Variants in ABCG1 observed in about 807,000 individuals in gnomAD.
ABCG1 encodes ATP binding cassette subfamily G member 1.
A neutral mutation model predicts 69.2 loss-of-function variants in ABCG1; 29 were observed. The ratio of observed to expected loss-of-function variants is 0.42; its 90% confidence interval spans 0.31 to 0.57. The LOEUF is 0.57. Ranked by LOEUF, ABCG1 falls within the 20% of genes least tolerant of loss-of-function variation. The pLI is 0.15. For missense variants in ABCG1, 718 were observed against 898.1 expected (o/e 0.80, Z 2.56); for synonymous variants, 370 against 374.8 (o/e 0.99, Z 0.15).
In ABCG1 at chr21:42,219,257, C is replaced by T. The variant is rs2067681488; in HGVS notation, c.-6C>T. On this transcript the variant is annotated 5_prime_UTR_variant, in exon 1 of 15. Transcript: ENST00000398449. The surrounding 1 kb of genome is among the most constrained non-coding windows in gnomAD (Gnocchi z 5.3). ...CCGCCGCCGCCGCCGCCGCCGCCCCCGGGGCATGGCCTGTCTGATGGCCGC... is the reference window on the plus strand; with the variant it reads ...CCGCCGCCGCCGCCGCCGCCGCCCCTGGGGCATGGCCTGTCTGATGGCCGC... 3.2e-6 allele frequency: 5 copies of T among 1,555,200 alleles called. No homozygotes were observed. Among genetic ancestry groups the T allele is most frequent in the South Asian group, 1.2e-5 (1 of 85,914 alleles).
intron 2 of ABCG1, among the ~76,000 whole-genome samples, chr21:42,227,860 A>C (rs1230854843): frequency 6.6e-6 from 1 of 152,148 alleles, no homozygotes; most frequent in Non-Finnish European, 1.5e-5. Flanking sequence ...GAGAGAGCAT[A>C]AAAGAACCCA....
chr21:42,226,756 G>T (rs573468115), intron 2 of ABCG1, among the ~76,000 whole-genome samples: 3 of 152,176 alleles, frequency 2.0e-5, no homozygotes, highest in African/African-American at 4.8e-5. Flanking sequence ...GGCAGAGGAC[G>T]TGTCAGACTT....
intron 2 of ABCG1, among the ~76,000 whole-genome samples, chr21:42,236,509 G>A (rs564739998): frequency 6.8e-4 from 104 of 152,340 alleles, no homozygotes; most frequent in Non-Finnish European, 7.3e-4. Context: ...CATAATTTAG[G>A]TGTTTTGTGA....
chr21:42,252,527 T>A (rs3787980), intron 2 of ABCG1, among the ~76,000 whole-genome samples: 16,947 of 152,066 alleles, frequency 0.11, 1,200 homozygotes, highest in South Asian at 0.17. Flanking sequence ...GACACTTCTT[T>A]CGTTGTCCTG....
intron 7 of ABCG1, among the ~76,000 whole-genome samples, chr21:42,284,925 A>G (rs569737614): frequency 6.6e-6 from 1 of 152,312 alleles, no homozygotes; most frequent in Admixed American, 6.5e-5. Flanking sequence ...CTGGGTACCC[A>G]TGGCCTTCTG....
At position 42,271,178 on chromosome 21, in the gene ABCG1, C is replaced by A; in HGVS notation, c.395C>A (p.Ala132Asp). ...AAGTCCACGCTGATGAACATCCTGGCTGGATACAGGTGAGCAGCCCTGCCC... is the reference window on the plus strand; with the variant it reads ...AAGTCCACGCTGATGAACATCCTGGATGGATACAGGTGAGCAGCCCTGCCC... ...AGKSTLMNIL[A>D]GYRETGMKGA... Residue 132 changes from alanine to aspartate, a missense_variant, in exon 3 of 15, where the codon GCT becomes GAT. Physicochemically the swap from Ala to Asp is moderately radical, Grantham distance 126 (BLOSUM62 -2). Around this residue, in one of 2 missense-constraint regions of ABCG1, gnomAD observed 514 missense variants for 574.3 expected, o/e 0.90. Coordinates refer to ENST00000398449, the MANE Select transcript of ABCG1 (RefSeq NM_016818.3). 6.4e-7 allele frequency: 1 copy of A among 1,565,608 alleles called. No individual in the cohort carries two copies. The highest frequency in any genetic ancestry group is 8.6e-7 in the Non-Finnish European group (1 of 1,159,236).
intron 2 of ABCG1, among the ~76,000 whole-genome samples, chr21:42,252,839 G>A (rs992960246): frequency 1.4e-4 from 21 of 152,138 alleles, no homozygotes; most frequent in African/African-American, 5.1e-4. Flanking sequence ...GTTTAGGAAA[G>A]CCATCAGAGG....
intron 6 of ABCG1, among the ~76,000 whole-genome samples, chr21:42,284,291 C>G (rs944636296): frequency 2.6e-5 from 4 of 152,208 alleles, no homozygotes; most frequent in Non-Finnish European, 5.9e-5. Context: ...GGGGACCCCC[C>G]CCCAGTCCTG....
intron 2 of ABCG1, among the ~76,000 whole-genome samples, chr21:42,252,237 C>G (rs1601395242): frequency 6.6e-6 from 1 of 152,222 alleles, no homozygotes; most frequent in African/African-American, 2.4e-5. Flanking sequence ...TGCCAGCCAA[C>G]TCCTGCTTCT....
intron 13 of ABCG1, among the ~76,000 whole-genome samples, chr21:42,293,879 ACAC>A (rs2069147346): frequency 6.7e-6 from 1 of 149,882 alleles, no homozygotes; most frequent in South Asian, 2.1e-4. Context: ...ACCACACCAC[ACAC>A]CACACACTCC....
chr21:42,281,421 C>T (rs1273787991), intron 5 of ABCG1, among the ~76,000 whole-genome samples: 4 of 152,218 alleles, frequency 2.6e-5, no homozygotes, highest in African/African-American at 9.7e-5. Context: ...ACCAAGCCAG[C>T]ACAGAAATCT....
At chr21:42,215,435 A>T (rs1455786120), upstream of ABCG1, among the ~76,000 whole-genome samples, 7 of 152,258 alleles carry the variant, frequency 4.6e-5, no homozygotes. Context: ...ATGGAATAAG[A>T]GTTCTCTTCC....
intron 13 of ABCG1, among the ~76,000 whole-genome samples, chr21:42,293,933 C>T (rs1401775941): frequency 6.7e-6 from 1 of 149,670 alleles, no homozygotes; most frequent in Non-Finnish European, 1.5e-5. Context: ...ACACACCACA[C>T]AGCAGACACC....
chr21:42,210,929 G>C (rs1480345826), intron 2 of ABCG1, among the ~76,000 whole-genome samples: 1 of 151,834 alleles, frequency 6.6e-6, no homozygotes, highest in East Asian at 1.9e-4. Context: ...GAAACAAACA[G>C]TGGAGATTAA....
chr21:42,279,186 T>G (rs544048835), intron 5 of ABCG1, among the ~76,000 whole-genome samples: 3 of 151,720 alleles, frequency 2.0e-5, no homozygotes, highest in Non-Finnish European at 2.9e-5. Context: ...GGGGCGGCTG[T>G]GGGGGCTCCA....
chr21:42,237,793 G>T (rs1029774063), intron 2 of ABCG1, among the ~76,000 whole-genome samples: 2 of 152,200 alleles, frequency 1.3e-5, no homozygotes, highest in African/African-American at 4.8e-5. Context: ...CTTCACGCAG[G>T]TGGTTTCTGA....
upstream of ABCG1, among the ~76,000 whole-genome samples, chr21:42,215,607 C>G (rs935429204): frequency 1.3e-5 from 2 of 152,134 alleles, no homozygotes; most frequent in Admixed American, 6.5e-5. Context: ...AATAGGTGTT[C>G]TTTGGTGGCC....
intron 6 of ABCG1, among the ~76,000 whole-genome samples, chr21:42,282,936 G>A (rs2068840084): frequency 6.6e-6 from 1 of 152,176 alleles, no homozygotes; most frequent in African/African-American, 2.4e-5. Context: ...TATACCCACG[G>A]GCGCTCTGAC....
At chr21:42,260,329 G>A (rs971688294) in intron 2 of ABCG1, among the ~76,000 whole-genome samples, 2 of 152,224 alleles carry the variant, frequency 1.3e-5, no homozygotes, top group Non-Finnish European at 2.9e-5. Context: ...CTGAGATGCT[G>A]AGACCCATGA....
Sources: allele counts gnomAD v4.1 joint callset (sites outside exome capture counted in the v4.1 genomes callset), GRCh38; gene constraint gnomAD v4.1.1; regional missense constraint gnomAD v4.1.1; non-coding constraint Gnocchi (gnomAD v3.1); transcripts MANE v1.5; gene names NCBI Gene and HGNC (gene_info 2026-07-23, HGNC 2026-07-21).